Variants in PTPRQ observed in about 807,000 individuals in gnomAD.
PTPRQ encodes protein tyrosine phosphatase receptor type Q, also known as phosphatidylinositol phosphatase PTPRQ.
PTPRQ carries 199 observed loss-of-function variants against 246.0 expected under a neutral mutation model. That is an observed-to-expected ratio of 0.81 (90% confidence interval 0.72 to 0.91). PTPRQ has a LOEUF of 0.91. PTPRQ is among the 40% of genes least tolerant of loss of function. PTPRQ has a pLI of 0.00. For synonymous variants in PTPRQ, 869 were observed against 853.2 expected, an observed-to-expected ratio of 1.02 and a Z score of -0.32; for missense variants, 2,624 against 2,528.4, an observed-to-expected ratio of 1.04 and a Z score of -0.81.
intron 26 of PTPRQ, among the ~76,000 whole-genome samples, chr12:80,600,617 T>C (rs1368237399): frequency 6.6e-6 from 1 of 151,808 alleles, no homozygotes; most frequent in African/African-American, 2.4e-5. Context: ...CTTGCTAGAA[T>C]GAGTTAGGTT....
In PTPRQ at chr12:80,616,260, A is replaced by G; in HGVS notation, c.5224A>G (p.Ile1742Val). Reference protein sequence around the residue: ...PKVPMRITMDIKAPARPKTKP... With the variant: ...PKVPMRITMDVKAPARPKTKP... ...GGTTCCGATGAGAATAACCATGGAT[A>G]TCAAAGGTACATACATGAGCTACCT... The change falls in exon 30 of 45, where the codon ATC becomes GTC. Residue 1742 changes from isoleucine to valine, a missense_variant. Coordinates refer to ENST00000644991, the MANE Select transcript of PTPRQ (RefSeq NM_001145026.2). 3 of 1,485,988 alleles carry G rather than the reference A, an allele frequency of 2.0e-6. No homozygotes were observed. The highest frequency in any genetic ancestry group is 2.7e-6 in the Non-Finnish European group (3 of 1,116,080). The allele number at this position is 1,485,988 out of a possible 1,614,324, so 92.1% of individuals were successfully genotyped here. A position where few individuals can be genotyped will look rare whatever the true frequency, so the allele number is the denominator to read the frequency against.
rs1894582155 is a variant in PTPRQ at position 80,495,347 on chromosome 12, A to G, written c.1858A>G (p.Ile620Val). The G allele has an allele frequency of 1.3e-6, 2 of 1,520,698 alleles. No individual in the cohort carries two copies. Among genetic ancestry groups the G allele is most frequent in the Non-Finnish European group, 1.8e-6 (2 of 1,138,412 alleles). 94.2% of individuals were successfully genotyped at this position (1,520,698 alleles called of 1,614,324 possible). A position where few individuals can be genotyped will look rare whatever the true frequency, so the allele number is the denominator to read the frequency against. ...AAACAGAGCATTCCAGATAACTACC[A>G]TAGATAACAGCTTTCTCATAACAGG... is the stretch of plus-strand genomic sequence containing the variant. ...DTNRAFQITT[I>V]DNSFLITGLK... The change falls in exon 12 of 45, where the codon ATA (isoleucine) becomes GTA (valine). Residue 620 changes from isoleucine to valine, a missense_variant. By Grantham distance (29) the Ile-to-Val change is conservative. Transcript: ENST00000644991.
intron 5 of PTPRQ, 62 bp downstream of exon 5, chr12:80,459,545 T>A (rs1454680144): frequency 1.3e-5 from 5 of 397,718 alleles, no homozygotes; most frequent in Non-Finnish European, 2.2e-5. Context: ...ATTTTCATAT[T>A]TCTAGCATCT....
intron 25 of PTPRQ, among the ~76,000 whole-genome samples, chr12:80,563,518 G>A (rs552001599): frequency 6.6e-5 from 10 of 152,278 alleles, no homozygotes; most frequent in Non-Finnish European, 7.4e-5. Context: ...ATGAATTTTG[G>A]GGTGATGCAA....
chr12:80,664,907 C>T (rs1465064981), intron 39 of PTPRQ, among the ~76,000 whole-genome samples: 1 of 151,992 alleles, frequency 6.6e-6, no homozygotes, highest in Non-Finnish European at 1.5e-5. Flanking sequence ...AATTTACTAT[C>T]TCTTTCTAAA....
At chr12:80,630,927 G>T (rs1267448864) in intron 33 of PTPRQ, among the ~76,000 whole-genome samples, 1 of 152,116 alleles carries the variant, frequency 6.6e-6, no homozygotes, top group East Asian at 1.9e-4. Flanking sequence ...ATGTTGGCCA[G>T]GTTGTCTCGA....
At chr12:80,549,815 G>A (rs1374105008) in intron 25 of PTPRQ, 81 bp downstream of exon 25, 17 of 1,446,988 alleles carry the variant, frequency 1.2e-5, no homozygotes, top group Non-Finnish European at 1.5e-5. Flanking sequence ...AATCTTTATA[G>A]CATACTTATC....
intron 17 of PTPRQ, chr12:80,526,026 A>G (rs548371540): frequency 6.6e-6 from 1 of 152,286 alleles, no homozygotes; most frequent in Admixed American, 6.5e-5. Flanking sequence ...GATAGCATCA[A>G]AAATCTAGAG....
intron 17 of PTPRQ, among the ~76,000 whole-genome samples, chr12:80,517,132 A>C (rs1370620274): frequency 6.6e-6 from 1 of 152,192 alleles, no homozygotes; most frequent in African/African-American, 2.4e-5. Context: ...ATGGCCACTC[A>C]TGATTTGCAA....
chr12:80,530,093 T>C (rs1857776408), intron 17 of PTPRQ, among the ~76,000 whole-genome samples: 1 of 152,120 alleles, frequency 6.6e-6, no homozygotes, highest in Non-Finnish European at 1.5e-5. Context: ...CCTCTCTTCT[T>C]CTCCCACCTC....
At chr12:80,582,391 C>A (rs1395133894) in intron 25 of PTPRQ, among the ~76,000 whole-genome samples, 1 of 152,068 alleles carries the variant, frequency 6.6e-6, no homozygotes, top group Non-Finnish European at 1.5e-5. Flanking sequence ...ATGTTTATTT[C>A]CCCCCTAGAA....
At chr12:80,445,923 A>G (rs1435002802) in intron 3 of PTPRQ, among the ~76,000 whole-genome samples, 1 of 151,842 alleles carries the variant, frequency 6.6e-6, no homozygotes, top group Middle Eastern at 3.2e-3. Context: ...ATGCATATTT[A>G]TATATTACCT....
chr12:80,640,993 T>G (rs1308267253), intron 35 of PTPRQ, among the ~76,000 whole-genome samples: 1 of 152,218 alleles, frequency 6.6e-6, no homozygotes, highest in African/African-American at 2.4e-5. Context: ...GGGTGGAAAC[T>G]ATATTTACAT....
At chr12:80,468,347 C>A (rs1296322038) in intron 6 of PTPRQ, among the ~76,000 whole-genome samples, 4 of 152,074 alleles carry the variant, frequency 2.6e-5, no homozygotes, top group Non-Finnish European at 4.4e-5. Context: ...GATATCCAGA[C>A]TTTGTTCATC....
At chr12:80,549,341 A>C in intron 24 of PTPRQ, 124 bp from the exon 25 acceptor site, 7 of 1,227,528 alleles carry the variant, frequency 5.7e-6, no homozygotes, top group Non-Finnish European at 6.6e-6. Context: ...ACACATTGAA[A>C]ATTTGATATA....
Position 80,495,047 on chromosome 12 carries a change from T to A in PTPRQ, c.1655T>A (p.Met552Lys), listed in dbSNP as rs772655161. 9 of 1,550,546 alleles carry A rather than the reference T, an allele frequency of 5.8e-6. No individual in the cohort carries two copies. In the South Asian group the frequency reaches 9.5e-5, roughly 16 times the overall value. ...ATTAGTGTATCTGCTTTCACCATCATGGGAGAAGGACCACCAACAGTTCTC... is the reference window on the plus strand; with the variant it reads ...ATTAGTGTATCTGCTTTCACCATCAAGGGAGAAGGACCACCAACAGTTCTC... ...HMISVSAFTI[M>K]GEGPPTVLSV... The change falls in exon 11 of 45, where the codon ATG becomes AAG. Residue 552 changes from methionine to lysine, a missense_variant. Coordinates refer to ENST00000644991, the MANE Select transcript of PTPRQ (RefSeq NM_001145026.2).
intron 39 of PTPRQ, among the ~76,000 whole-genome samples, chr12:80,667,023 A>G (rs917934287): frequency 6.6e-6 from 1 of 152,008 alleles, no homozygotes; most frequent in East Asian, 1.9e-4. Flanking sequence ...GAAACCTTTC[A>G]GTGACTTTCT....
intron 26 of PTPRQ, among the ~76,000 whole-genome samples, chr12:80,588,680 A>G (rs964714534): frequency 1.3e-5 from 2 of 152,216 alleles, no homozygotes; most frequent in Non-Finnish European, 2.9e-5. Context: ...AGTTGTGCCA[A>G]GGTCCTAGAG....
chr12:80,529,945 G>A lies in PTPRQ; in HGVS notation c.2679-4070G>A, dbSNP rs112209468. Among the ~76,000 whole-genome samples, 119 of 152,184 alleles carry A rather than the reference G, an allele frequency of 7.8e-4. 1 individual carries two copies. The highest frequency in any genetic ancestry group is 2.8e-3 in the African/African-American group (117 of 41,538). On this transcript the variant is annotated intron_variant, in intron 17 of 44. Coordinates refer to ENST00000644991, the MANE Select transcript of PTPRQ (RefSeq NM_001145026.2). Reference sequence around the variant, plus strand: ...CATCTCAGTTTGAAAACAGTCACTGGGTTGGGAGATTTGGCCAGTGTTGAA... The same window carrying A: ...CATCTCAGTTTGAAAACAGTCACTGAGTTGGGAGATTTGGCCAGTGTTGAA...
Sources: allele counts gnomAD v4.1 joint callset (sites outside exome capture counted in the v4.1 genomes callset), GRCh38; gene constraint gnomAD v4.1.1; transcripts MANE v1.5; gene names NCBI Gene and HGNC (gene_info 2026-07-23, HGNC 2026-07-21).